The following LAMB4 variants were observed in gnomAD, a reference collection of about 807,000 sequenced individuals.
LAMB4 encodes laminin subunit beta 4, also known as laminin subunit beta-4.
LAMB4 carries 196 observed loss-of-function variants against 199.2 expected under a neutral mutation model. That is an observed-to-expected ratio of 0.98 (90% CI 0.88 to 1.11). The LOEUF is 1.11. LAMB4 is among the 50% of genes least tolerant of loss of function. LAMB4 has a pLI of 0.00. For synonymous variants in LAMB4, 744 were observed against 770.6 expected, an observed-to-expected ratio of 0.97 and a Z score of 0.57; for missense variants, 2,080 against 2,171.2, an observed-to-expected ratio of 0.96 and a Z score of 0.83.
Position 108,069,816 on chromosome 7 carries a change from G to T in LAMB4, c.2194C>A (p.Leu732Ile), listed in dbSNP as rs1238718701. The T allele has an allele frequency of 6.2e-7, 1 of 1,614,068 alleles. No individual in the cohort carries two copies. The highest frequency in any genetic ancestry group is 8.5e-7 in the Non-Finnish European group (1 of 1,179,942). Residue 732 changes from leucine to isoleucine, a missense_variant, in exon 18 of 34, where the codon CTT (leucine) becomes ATT (isoleucine). Transcript: ENST00000388781. ...CSKQDLDEYQ[L>I]HNCVEIASAM... ...GAGGCAATTTCAACACAGTTGTGAA[G>T]CTGATACTCATCTAAGTCCTGCTTG...
chr7:108,126,859 C>T (rs1412131753), intron 1 of LAMB4, among the ~76,000 whole-genome samples: 3 of 152,064 alleles, frequency 2.0e-5, no homozygotes, highest in Non-Finnish European at 4.4e-5. Flanking sequence ...TGAGCCACCG[C>T]GCCCGGCCTT....
chr7:108,043,545 G>GTTTTTTTTTTTTTTT (rs748169558), intron 29 of LAMB4, among the ~76,000 whole-genome samples: 8 of 55,958 alleles, frequency 1.4e-4, no homozygotes, highest in Admixed American at 3.8e-4. Flanking sequence ...TGGCTATGAT[G>GTTTTTTTTTTTTTTT]TTTTTTTTTT....
Position 108,057,858 on chromosome 7 carries a change from T to C in LAMB4, c.3353A>G (p.Tyr1118Cys), listed in dbSNP as rs1430127073. The change falls in exon 24 of 34, where the codon TAT becomes TGT. Residue 1118 changes from tyrosine (Y) to cysteine (C), a missense_variant. Tyr to Cys is a radical substitution (Grantham distance 194). Coordinates refer to ENST00000388781, the MANE Select transcript of LAMB4 (RefSeq NM_007356.3). Reference sequence around the variant, plus strand: ...AATGCATCGCCCAGGTGGATCACCATAATAATTTTCCTGGCACTCACTGCA... The same window carrying C: ...AATGCATCGCCCAGGTGGATCACCACAATAATTTTCCTGGCACTCACTGCA... ...KRCSECQENY[Y>C]GDPPGRCIPC... 1 of 1,613,038 alleles carries C rather than the reference T, an allele frequency of 6.2e-7. No homozygotes were observed. The highest frequency in any genetic ancestry group is 8.5e-7 in the Non-Finnish European group (1 of 1,179,208).
chr7:108,084,169 T>C (rs982356342), intron 14 of LAMB4, among the ~76,000 whole-genome samples: 10 of 152,094 alleles, frequency 6.6e-5, no homozygotes, highest in Non-Finnish European at 1.5e-4. Flanking sequence ...CTAGAATGTG[T>C]AGAGAGGAGG....
downstream of LAMB4, among the ~76,000 whole-genome samples, chr7:108,022,000 A>G (rs2034704237): frequency 7.2e-6 from 1 of 138,322 alleles, no homozygotes; most frequent in Non-Finnish European, 1.5e-5. Flanking sequence ...GAGTACTGAG[A>G]GAGTGATACA....
intron 27 of LAMB4, among the ~76,000 whole-genome samples, chr7:108,048,723 C>G (rs1342620351): frequency 6.6e-6 from 1 of 151,792 alleles, no homozygotes; most frequent in Non-Finnish European, 1.5e-5. Context: ...AGATGAGTCT[C>G]GCTCTCTCGC....
In LAMB4 at chr7:108,126,498, C is replaced by T. The variant is rs999199792; in HGVS notation, c.-33-3301G>A. Among the ~76,000 whole-genome samples, 68 of 149,938 alleles carry T rather than the reference C, an allele frequency of 4.5e-4. 1 individual carries two copies. Among genetic ancestry groups the T allele is most frequent in the Admixed American group, 3.5e-3 (52 of 15,050 alleles). Reference sequence around the variant, plus strand: ...TCTTTTTTGTGACTGGCCTATTTCACGTAGCATAATGTCCTAAAGGTTCAT... The same window carrying T: ...TCTTTTTTGTGACTGGCCTATTTCATGTAGCATAATGTCCTAAAGGTTCAT... On this transcript the variant is annotated intron_variant, in intron 1 of 33. Transcript: ENST00000388781.
chr7:108,065,435 T>C (rs1487084891), intron 21 of LAMB4, among the ~76,000 whole-genome samples: 1 of 152,240 alleles, frequency 6.6e-6, no homozygotes, highest in East Asian at 1.9e-4. Context: ...ATAATATATA[T>C]GCTACTTTAT....
At chr7:108,078,630 G>T (rs998507204) in intron 15 of LAMB4, among the ~76,000 whole-genome samples, 9 of 152,136 alleles carry the variant, frequency 5.9e-5, no homozygotes, top group African/African-American at 1.4e-4. Flanking sequence ...CATGGCTCTG[G>T]ATCACAGAAC....
intron 25 of LAMB4, among the ~76,000 whole-genome samples, chr7:108,055,218 C>G (rs144425443): frequency 0.012 from 1,723 of 149,082 alleles, 33 homozygotes; most frequent in African/African-American, 0.04. Context: ...CAGAGTTTCA[C>G]TCTTGTCGCC....
intron 33 of LAMB4, among the ~76,000 whole-genome samples, chr7:108,025,812 T>C (rs1411040098): frequency 6.6e-6 from 1 of 152,178 alleles, no homozygotes; most frequent in East Asian, 1.9e-4. Flanking sequence ...AATAAAGGCC[T>C]CTGTTTGTAC....
intron 14 of LAMB4, among the ~76,000 whole-genome samples, chr7:108,085,150 C>T (rs1245295120): frequency 6.6e-6 from 1 of 152,180 alleles, no homozygotes; most frequent in Non-Finnish European, 1.5e-5. Context: ...CATTTCCTTT[C>T]AGTCCTTCCT....
chr7:108,105,316 A>G (rs2037963129), intron 8 of LAMB4, among the ~76,000 whole-genome samples: 1 of 152,196 alleles, frequency 6.6e-6, no homozygotes. Context: ...TGGATTGAAC[A>G]TTTTACGATA....
At chr7:108,066,296 C>T in intron 20 of LAMB4, 73 bp downstream of exon 20, 1 of 1,105,984 alleles carries the variant, frequency 9.0e-7, no homozygotes, top group Non-Finnish European at 1.3e-6. Context: ...AGTCTCTACT[C>T]AATGGATCTC....
chr7:108,085,214 A>C (rs2037123864), intron 14 of LAMB4, among the ~76,000 whole-genome samples: 1 of 152,224 alleles, frequency 6.6e-6, no homozygotes, highest in Non-Finnish European at 1.5e-5. Context: ...GCAGGAAGTG[A>C]AATGAAAACA....
chr7:108,084,104 G>C (rs1395668979), intron 14 of LAMB4, among the ~76,000 whole-genome samples: 1 of 152,238 alleles, frequency 6.6e-6, no homozygotes, highest in Admixed American at 6.5e-5. Flanking sequence ...CAGCCCATGA[G>C]GGATGAGAGT....
At position 108,103,060 on chromosome 7, in the gene LAMB4, A is replaced by G; in HGVS notation, c.1164T>C (p.Asp388=). The change falls in exon 10 of 34, where the codon GAT becomes GAC. Residue 388 remains aspartate (D), a synonymous_variant. Transcript: ENST00000388781. ...FYRDPLKTIS[D]PYACIPCECD... Reference sequence around the variant, plus strand: ...GGGACTCACGAATGCACGCGTAGGGATCTGAGATGGTCTTGAGCGGGTCCC... The same window carrying G: ...GGGACTCACGAATGCACGCGTAGGGGTCTGAGATGGTCTTGAGCGGGTCCC... The G allele has an allele frequency of 6.2e-7, 1 of 1,601,640 alleles. No homozygotes were observed. The highest frequency in any genetic ancestry group is 8.5e-7 in the Non-Finnish European group (1 of 1,170,726).
intron 17 of LAMB4, among the ~76,000 whole-genome samples, chr7:108,070,352 A>G (rs1427979873): frequency 6.6e-6 from 1 of 152,178 alleles, no homozygotes; most frequent in African/African-American, 2.4e-5. Flanking sequence ...GTCTTTCCCT[A>G]GTTGTCCTTT....
chr7:108,072,344 G>A (rs530238817), intron 17 of LAMB4, among the ~76,000 whole-genome samples: 3 of 151,964 alleles, frequency 2.0e-5, no homozygotes, highest in South Asian at 2.1e-4. Flanking sequence ...GTACATGTAC[G>A]CATTGAAGTC....
Sources: gnomAD v4.1 joint callset for allele counts (sites outside exome capture counted in the v4.1 genomes callset) on GRCh38, gnomAD v4.1.1 for gene constraint, MANE v1.5 for transcripts, NCBI Gene and HGNC (gene_info 2026-07-23, HGNC 2026-07-21) for gene names.